DGKD: variants seen among roughly 807,000 people sequenced by gnomAD.
DGKD encodes the protein diacylglycerol kinase delta.
In DGKD, 68 loss-of-function variants were observed where a neutral mutation model predicts 154.4. That is an observed-to-expected ratio of 0.44 (90% CI 0.36 to 0.54). The LOEUF is 0.54. DGKD is among the 20% of genes least tolerant of loss of function. DGKD has a pLI of 0.00. For synonymous variants in DGKD, 693 were observed against 638.0 expected, an observed-to-expected ratio of 1.09 and a Z score of -1.30; for missense variants, 1,343 against 1,593.6, an observed-to-expected ratio of 0.84 and a Z score of 2.68.
chr2:233,363,324 T>TTTAA (rs1487119681), intron 1 of DGKD, among the ~76,000 whole-genome samples: 1 of 152,062 alleles, frequency 6.6e-6, no homozygotes, highest in African/African-American at 2.4e-5. Context: ...AACAAAAATA[T>TTTAA]TTAAGAAGTA....
At position 233,449,253 on chromosome 2, in the gene DGKD, G is replaced by C. The variant is rs887356277; in HGVS notation, c.1765G>C (p.Asp589His). Residue 589 changes from aspartate to histidine, a missense_variant, in exon 15 of 30, where the codon GAC becomes CAC. Transcript: ENST00000264057. The surrounding 1 kb of genome is among the most constrained non-coding windows in gnomAD (Gnocchi z 5.3). ...GGGCAGCATCTGCGGTTCCACCGGAGACCGCTTGGTGGCATCAGCTTGCCC... is the reference window on the plus strand; with the variant it reads ...GGGCAGCATCTGCGGTTCCACCGGACACCGCTTGGTGGCATCAGCTTGCCC... Reference protein sequence around the residue: ...GSGSICGSTGDRLVASACPAR... With the variant: ...GSGSICGSTGHRLVASACPAR... 5.6e-6 allele frequency: 9 copies of C among 1,613,638 alleles called. No individual in the cohort carries two copies. Among genetic ancestry groups the C allele is most frequent in the Non-Finnish European group, 7.6e-6 (9 of 1,179,942 alleles).
intron 3 of DGKD, among the ~76,000 whole-genome samples, chr2:233,394,242 CT>C (rs1369547196): frequency 6.6e-6 from 1 of 151,440 alleles, no homozygotes; most frequent in Non-Finnish European, 1.5e-5. Flanking sequence ...AAAGTAGTAG[CT>C]TTTTTTTTCT....
intron 3 of DGKD, among the ~76,000 whole-genome samples, chr2:233,398,773 C>T (rs1180265693): frequency 3.9e-5 from 6 of 152,086 alleles, no homozygotes; most frequent in South Asian, 2.1e-4. Context: ...TACAGGCTCC[C>T]GCCACCACAC....
chr2:233,462,437 A>G lies in DGKD; in HGVS notation c.3071A>G (p.Tyr1024Cys), dbSNP rs763972580. Reference protein sequence around the residue: ...NASSKSMDRVYGKPRTTEGLN... With the variant: ...NASSKSMDRVCGKPRTTEGLN... Reference sequence around the variant, plus strand: ...AGCTCCAAGTCCATGGACCGTGTGTATGGCAAGCCCAGAACCACAGAGGTA... The same window carrying G: ...AGCTCCAAGTCCATGGACCGTGTGTGTGGCAAGCCCAGAACCACAGAGGTA... Residue 1024 changes from tyrosine to cysteine, a missense_variant, in exon 25 of 30, where the codon TAT (tyrosine) becomes TGT (cysteine). Transcript: ENST00000264057. 5.0e-6 allele frequency: 8 copies of G among 1,600,292 alleles called. No homozygotes were observed. The South Asian group carries it at 7.7e-5, about 15-fold the overall frequency.
chr2:233,375,104 A>T (rs1176703551), intron 1 of DGKD, among the ~76,000 whole-genome samples: 2 of 152,170 alleles, frequency 1.3e-5, no homozygotes, highest in Non-Finnish European at 2.9e-5. Flanking sequence ...AGCCTGGCCA[A>T]CATGGTAAAA....
chr2:233,457,122 G>A lies in DGKD; in HGVS notation c.2473-99G>A, dbSNP rs775820956. The stretch of plus-strand genomic sequence containing the variant: ...ACTTGCCTGGGGATGCCCTGGCCAC[G>A]GCTGTGCTCCTGAGCCCCTGGCGGT... On this transcript the variant is annotated intron_variant, in intron 20 of 29. Transcript: ENST00000264057. The surrounding 1 kb of genome is among the most constrained non-coding windows in gnomAD (Gnocchi z 5.5). The A allele has an allele frequency of 8.3e-5, 109 of 1,311,464 alleles. No individual in the cohort carries two copies. Among genetic ancestry groups the A allele is most frequent in the Non-Finnish European group, 1.1e-4 (103 of 924,204 alleles). 81.2% of individuals were successfully genotyped at this position (1,311,464 alleles called of 1,614,324 possible).
chr2:233,386,257 T>A, intron 1 of DGKD: 1 of 309,296 alleles, frequency 3.2e-6, no homozygotes, highest in East Asian at 8.5e-5. Flanking sequence ...GTCTTCACAG[T>A]GAGGCCTTTG....
chr2:233,433,553 G>C (rs2062599108), intron 3 of DGKD, among the ~76,000 whole-genome samples: 1 of 152,074 alleles, frequency 6.6e-6, no homozygotes, highest in Non-Finnish European at 1.5e-5. Flanking sequence ...TTAATAATTT[G>C]CTGTACATTT....
At chr2:233,447,135 G>A (rs1386622092) in intron 12 of DGKD, among the ~76,000 whole-genome samples, 5 of 138,982 alleles carry the variant, frequency 3.6e-5, no homozygotes, top group Non-Finnish European at 7.8e-5. Flanking sequence ...TCCCTCCCCC[G>A]CCGCGGTGCC....
Position 233,467,180 on chromosome 2 carries a change from C to T in DGKD, c.3401C>T (p.Ala1134Val), listed in dbSNP as rs756546928. Residue 1134 changes from alanine (A) to valine (V), a missense_variant, in exon 28 of 30, where the codon GCT becomes GTT. Physicochemically the swap from Ala to Val is moderately conservative, Grantham distance 64 (BLOSUM62 0). Around this residue, in one of 6 missense-constraint regions of DGKD, gnomAD observed 429 missense variants for 496.3 expected, o/e 0.86. Transcript: ENST00000264057. ...KKEKNNKNKE[A>V]HSSLGAPVHL... ...GAGAAAAACAACAAGAACAAAGAAG[C>T]TCACAGTAGCCTGGGAGCCCCGGGT... 77 of 1,613,942 alleles carry T rather than the reference C, an allele frequency of 4.8e-5. No homozygotes were observed. The highest frequency in any genetic ancestry group is 1.2e-4 in the Admixed American group (7 of 60,010).
intron 2 of DGKD, 149 bp downstream of exon 2, chr2:233,388,516 G>A: frequency 1.6e-6 from 1 of 626,312 alleles, no homozygotes; most frequent in Non-Finnish European, 2.6e-6. Context: ...ACGCTGTCAG[G>A]TTTTACTTGT....
chr2:233,366,128 C>T (rs1022775009), intron 1 of DGKD, among the ~76,000 whole-genome samples: 12 of 152,088 alleles, frequency 7.9e-5, no homozygotes, highest in African/African-American at 2.2e-4. Context: ...CATCGGGAGC[C>T]TTTGGTTGGG....
In DGKD at chr2:233,460,264, C is replaced by G. The variant is rs776145724; in HGVS notation, c.2900C>G (p.Ser967Cys). The G allele has an allele frequency of 3.7e-6, 6 of 1,613,880 alleles. No homozygotes were observed. Among genetic ancestry groups the G allele is most frequent in the Non-Finnish European group, 5.1e-6 (6 of 1,180,010 alleles). ...GAGCTGCCCCGCCCTCCATCCTGTT[C>G]CCTGCACCCGGAGATGCTGTCCGAG... is the stretch of plus-strand genomic sequence containing the variant. ...KCELPRPPSC[S>C]LHPEMLSEEE... The change falls in exon 24 of 30, where the codon TCC (serine) becomes TGC (cysteine). Residue 967 changes from serine to cysteine, a missense_variant. Physicochemically the swap from Ser to Cys is moderately radical, Grantham distance 112. Transcript: ENST00000264057.
chr2:233,390,917 G>A (rs1462829359), intron 3 of DGKD, among the ~76,000 whole-genome samples: 1 of 152,144 alleles, frequency 6.6e-6, no homozygotes, highest in Non-Finnish European at 1.5e-5. Context: ...ATTTTTAGTA[G>A]AGACAGGGTT....
chr2:233,446,493 A>C (rs1225333881), intron 11 of DGKD, among the ~76,000 whole-genome samples: 1 of 152,218 alleles, frequency 6.6e-6, no homozygotes, highest in Non-Finnish European at 1.5e-5. Context: ...CATTTATGGG[A>C]GACCTTCCTC....
chr2:233,356,828 T>C (rs72978361), intron 1 of DGKD, among the ~76,000 whole-genome samples: 17 of 152,270 alleles, frequency 1.1e-4, no homozygotes, highest in Middle Eastern at 3.4e-3. Flanking sequence ...CCATTTTTTT[T>C]TTTTCCAGCA....
At chr2:233,429,086 A>G (rs1262987435) in intron 3 of DGKD, 41 of 983,838 alleles carry the variant, frequency 4.2e-5, no homozygotes, top group Non-Finnish European at 4.9e-5. Flanking sequence ...CCACAAAGCA[A>G]TTCTAGTACA....
chr2:233,410,225 C>T (rs968537892), intron 3 of DGKD, among the ~76,000 whole-genome samples: 9 of 150,242 alleles, frequency 6.0e-5, no homozygotes, highest in Non-Finnish European at 1.3e-4. Context: ...GATTGGCTTC[C>T]ACCCCATTCT....
chr2:233,429,980 A>G (rs1044470782), intron 3 of DGKD, among the ~76,000 whole-genome samples: 7 of 152,268 alleles, frequency 4.6e-5, no homozygotes, highest in African/African-American at 1.4e-4. Context: ...AGCCAGAAAC[A>G]TGGTCATTTA....
Sources: allele counts gnomAD v4.1 joint callset (sites outside exome capture counted in the v4.1 genomes callset), GRCh38; gene constraint gnomAD v4.1.1; regional missense constraint gnomAD v4.1.1; non-coding constraint Gnocchi (gnomAD v3.1); transcripts MANE v1.5; gene names NCBI Gene and HGNC (gene_info 2026-07-23, HGNC 2026-07-21).